Variants in SYNE1 observed in about 807,000 individuals in gnomAD.
SYNE1 encodes spectrin repeat containing nuclear envelope protein 1, also known as nesprin-1.
In SYNE1, 616 loss-of-function variants were observed where a neutral mutation model predicts 1,111.0. The observed-to-expected ratio is 0.55, with a 90% CI of 0.52 to 0.59. The LOEUF (loss-of-function observed/expected upper bound fraction) is 0.59. Among genes scored for constraint, SYNE1 ranks in the 20% least tolerant of loss-of-function variants. SYNE1 has a pLI of 0.00. For synonymous variants in SYNE1, 3,855 were observed against 3,825.8 expected, an observed-to-expected ratio of 1.01 and a Z score of -0.28; for missense variants, 10,006 against 10,417.0, an observed-to-expected ratio of 0.96 and a Z score of 1.72.
At chr6:152,337,868 C>A (rs2096438541) in intron 75 of SYNE1, among the ~76,000 whole-genome samples, 1 of 152,140 alleles carries the variant, frequency 6.6e-6, no homozygotes, top group Non-Finnish European at 1.5e-5. Context: ...GTTACATTGG[C>A]TGGGAATGGT....
At chr6:152,264,909 C>G (rs556197340) in intron 100 of SYNE1, among the ~76,000 whole-genome samples, 7 of 152,098 alleles carry the variant, frequency 4.6e-5, no homozygotes, top group Non-Finnish European at 8.8e-5. Flanking sequence ...TTAAACAATG[C>G]TAAAAGCAGC....
chr6:152,230,769 A>G, intron 114 of SYNE1, 67 bp from the exon 115 acceptor site: 3 of 1,512,660 alleles, frequency 2.0e-6, no homozygotes, highest in Non-Finnish European at 2.7e-6. Context: ...TAGCAGACTA[A>G]TTATTCTAGC....
chr6:152,483,137 T>G lies in SYNE1; in HGVS notation c.1298A>C (p.Gln433Pro). Residue 433 changes from glutamine (Q) to proline (P), a missense_variant, in exon 14 of 146, where the codon CAG becomes CCG. Transcript: ENST00000367255. The part of the protein sequence containing the change: ...VALREEITVQ[Q>P]VHEETANTIQ... ...CGTGTTTGCTGTTTCCTCGTGGACC[T>G]GTTGAACGGTTATTTCCTCTCTCAG... 1 of 1,614,254 alleles carries G rather than the reference T, an allele frequency of 6.2e-7. No homozygotes were observed. The highest frequency in any genetic ancestry group is 1.1e-5 in the South Asian group (1 of 91,084).
chr6:152,427,834 C>A lies in SYNE1; in HGVS notation c.4977-18G>T, dbSNP rs536545815. 4.3e-6 allele frequency: 7 copies of A among 1,613,836 alleles called. No individual in the cohort carries two copies. The highest frequency in any genetic ancestry group is 5.9e-6 in the Non-Finnish European group (7 of 1,179,990). ...TCTCTAGCCTAAAGGAAGCAGAGAG[C>A]AGAAACAAATTTATTGAAAATTATC... On this transcript the variant is annotated intron_variant, in intron 37 of 145. Transcript: ENST00000367255.
At chr6:152,151,520 T>G in intron 135 of SYNE1, 33 bp downstream of exon 135, 1 of 1,612,926 alleles carries the variant, frequency 6.2e-7, no homozygotes, top group Non-Finnish European at 8.5e-7. Context: ...TCAGGCTTTC[T>G]TCACTTTGGT....
intron 12 of SYNE1, among the ~76,000 whole-genome samples, chr6:152,485,293 T>A (rs1282746675): frequency 6.6e-6 from 1 of 152,214 alleles, no homozygotes; most frequent in Non-Finnish European, 1.5e-5. Flanking sequence ...GGATTTCTCA[T>A]TTCTAGTAAA....
At chr6:152,581,036 G>C (rs2099517606) in intron 3 of SYNE1, among the ~76,000 whole-genome samples, 1 of 152,138 alleles carries the variant, frequency 6.6e-6, no homozygotes, top group Non-Finnish European at 1.5e-5. Flanking sequence ...TGATCAGTTA[G>C]TCTCTACTTT....
At position 152,325,105 on chromosome 6, in the gene SYNE1, C is replaced by T. The variant is rs978983927; in HGVS notation, c.15636G>A (p.Glu5212=). Residue 5212 remains glutamate (E), a synonymous_variant, in exon 81 of 146, where the codon GAG becomes GAA. Coordinates refer to ENST00000367255, the MANE Select transcript of SYNE1 (RefSeq NM_182961.4). ...CTACCTTGTTGTTAAAGCCCGTCCA[C>T]TCATCCACTGCATCTTCCAGGATCT... is the stretch of plus-strand genomic sequence containing the variant. The part of the protein sequence containing the change: ...QEKILEDAVD[E]WTGFNNKVKK... 1.9e-5 allele frequency: 30 copies of T among 1,614,072 alleles called. No individual in the cohort carries two copies. Among genetic ancestry groups the T allele is most frequent in the Non-Finnish European group, 2.5e-5 (29 of 1,180,052 alleles).
chr6:152,635,435 T>A (rs935154286), intron 2 of SYNE1, among the ~76,000 whole-genome samples: 7 of 152,232 alleles, frequency 4.6e-5, no homozygotes, highest in Admixed American at 4.6e-4. Context: ...AAAATAGATA[T>A]GTATTTTGTC....
In SYNE1 at chr6:152,347,046, T is replaced by G. The variant is rs754265377; in HGVS notation, c.12078+13A>C. On this transcript the variant is annotated intron_variant, in intron 73 of 145. Coordinates refer to ENST00000367255, the MANE Select transcript of SYNE1 (RefSeq NM_182961.4). ...AATTCCTTGTCACTGTGGAATGTTCTGGGGGCACTCACCCTCTGAGCTGTG... is the reference window on the plus strand; with the variant it reads ...AATTCCTTGTCACTGTGGAATGTTCGGGGGGCACTCACCCTCTGAGCTGTG... 6.2e-7 allele frequency: 1 copy of G among 1,614,026 alleles called. No homozygotes were observed. Among genetic ancestry groups the G allele is most frequent in the Non-Finnish European group, 8.5e-7 (1 of 1,179,976 alleles).
chr6:152,530,112 A>G (rs1435185643), intron 4 of SYNE1, among the ~76,000 whole-genome samples: 1 of 152,194 alleles, frequency 6.6e-6, no homozygotes, highest in Admixed American at 6.5e-5. Context: ...ATCTCCCAGA[A>G]GCCAGCCAAG....
At chr6:152,632,812 A>G (rs1286393724) in intron 2 of SYNE1, among the ~76,000 whole-genome samples, 1 of 152,208 alleles carries the variant, frequency 6.6e-6, no homozygotes, top group Non-Finnish European at 1.5e-5. Flanking sequence ...TAAATATGTC[A>G]TGTTTCCAGC....
chr6:152,402,092 G>A (rs2097828712), intron 46 of SYNE1, among the ~76,000 whole-genome samples: 1 of 152,148 alleles, frequency 6.6e-6, no homozygotes, highest in South Asian at 2.1e-4. Context: ...GCCACCCTGT[G>A]TAAGGCTTCT....
chr6:152,465,236 T>A (rs1403211473), intron 18 of SYNE1, 22 bp downstream of exon 18: 1 of 1,612,810 alleles, frequency 6.2e-7, no homozygotes, highest in Non-Finnish European at 8.5e-7. Context: ...ACGTCTTTTC[T>A]TTTTGCATGA....
At chr6:152,239,471 T>G (rs2085033823) in intron 108 of SYNE1, 62 bp downstream of exon 108, 1 of 1,601,504 alleles carries the variant, frequency 6.2e-7, no homozygotes, top group Non-Finnish European at 8.6e-7. Flanking sequence ...ACATCTTGCA[T>G]TAAAGGTCTA....
intron 3 of SYNE1, among the ~76,000 whole-genome samples, chr6:152,586,024 A>T (rs1582954203): frequency 6.6e-6 from 1 of 152,284 alleles, no homozygotes; most frequent in East Asian, 1.9e-4. Flanking sequence ...CCAAATGATG[A>T]CATGAATATT....
At chr6:152,381,668 G>A (rs1328368667) in intron 55 of SYNE1, 2 of 424,658 alleles carry the variant, frequency 4.7e-6, no homozygotes, top group Non-Finnish European at 8.8e-6. Flanking sequence ...GTGTTTGCCT[G>A]TGGTGGATTG....
intron 128 of SYNE1, among the ~76,000 whole-genome samples, chr6:152,181,166 C>A (rs1002580926): frequency 1.3e-5 from 2 of 151,164 alleles, no homozygotes; most frequent in East Asian, 3.9e-4. Flanking sequence ...AATCCTAACA[C>A]TTTGGGAGGC....
chr6:152,363,497 C>CTAAATAAA lies in SYNE1; in HGVS notation c.10146-1182_10146-1175dup, dbSNP rs72461138. 6.6e-3 allele frequency among the ~76,000 whole-genome samples: 956 copies of CTAAATAAA among 144,234 alleles called. 10 individuals carry two copies. Among genetic ancestry groups the CTAAATAAA allele is most frequent in the African/African-American group, 0.016 (633 of 39,164 alleles). 94.6% of individuals were successfully genotyped at this position (144,234 alleles called of 152,430 possible). A position where few individuals can be genotyped will look rare whatever the true frequency, so the allele number is the denominator to read the frequency against. On this transcript the variant is annotated intron_variant, in intron 63 of 145. Coordinates refer to ENST00000367255, the MANE Select transcript of SYNE1 (RefSeq NM_182961.4). The stretch of plus-strand genomic sequence containing the variant: ...CGACAGAGCAAGACTCCGTCTCAAA[C>CTAAATAAA]TAAATAAATAAATAAATAAATAAAT...
Sources: gnomAD v4.1 joint callset for allele counts (sites outside exome capture counted in the v4.1 genomes callset) on GRCh38, gnomAD v4.1.1 for gene constraint, MANE v1.5 for transcripts, NCBI Gene and HGNC (gene_info 2026-07-23, HGNC 2026-07-21) for gene names.